The following ABI3BP variants were observed in gnomAD, a reference collection of about 807,000 sequenced individuals.
The protein encoded by ABI3BP is ABI family member 3 binding protein.
In ABI3BP, 216 loss-of-function variants were observed where a neutral mutation model predicts 268.6. That is an observed-to-expected ratio of 0.80 (90% CI 0.72 to 0.90). The LOEUF (loss-of-function observed/expected upper bound fraction) is 0.90. ABI3BP is among the 40% of genes least tolerant of loss of function. ABI3BP has a pLI of 0.00. For synonymous variants in ABI3BP, 730 were observed against 730.0 expected (o/e 1.00, Z 0.00); for missense variants, 2,090 against 2,182.4 (o/e 0.96, Z 0.84).
chr3:100,808,115 C>G (rs1426688752), intron 50 of ABI3BP, 46 bp downstream of exon 50: 2 of 1,538,482 alleles, frequency 1.3e-6, no homozygotes, highest in Non-Finnish European at 1.8e-6. Context: ...AGAATAACCC[C>G]ACTAACCTCA....
chr3:100,876,293 T>C (rs1469213964), intron 7 of ABI3BP, among the ~76,000 whole-genome samples: 3 of 152,176 alleles, frequency 2.0e-5, no homozygotes, highest in African/African-American at 7.2e-5. Flanking sequence ...TTGTCCTTAG[T>C]TGTCTGACCA....
intron 19 of ABI3BP, 30 bp from the exon 20 acceptor site, chr3:100,846,476 C>G: frequency 6.7e-7 from 1 of 1,502,974 alleles, no homozygotes; most frequent in Non-Finnish European, 9.1e-7. Flanking sequence ...AAATAATAAA[C>G]AAATCAATAT....
chr3:100,983,943 C>T (rs1359685115), intron 1 of ABI3BP, among the ~76,000 whole-genome samples: 3 of 151,916 alleles, frequency 2.0e-5, no homozygotes, highest in Non-Finnish European at 2.9e-5. Context: ...AATCCTGGAG[C>T]AAAGCAGCAT....
rs1387154627 is a variant in ABI3BP at position 100,838,215 on chromosome 3, T to A, written c.2078A>T (p.Lys693Ile). 3 of 1,535,800 alleles carry A rather than the reference T, an allele frequency of 2.0e-6. No individual in the cohort carries two copies. In the Admixed American group the frequency reaches 5.9e-5, roughly 30 times the overall value. ...GCACTGGAAATTATGTTTACCGGAT[T>A]TAGTTGGTGGCATGTCTGGTTCTGC... is the stretch of plus-strand genomic sequence containing the variant. Reference protein sequence around the residue: ...TTAEPDMPPTKSVSEPVPFET... With the variant: ...TTAEPDMPPTISVSEPVPFET... Residue 693 changes from lysine (K) to isoleucine (I), a missense_variant, in exon 26 of 68, where the codon AAA (lysine) becomes ATA (isoleucine). Coordinates refer to ENST00000471714, the MANE Select transcript of ABI3BP (RefSeq NM_001375547.2).
intron 51 of ABI3BP, among the ~76,000 whole-genome samples, chr3:100,800,135 CT>C (rs1159527057): frequency 1.3e-5 from 2 of 152,072 alleles, no homozygotes; most frequent in Non-Finnish European, 2.9e-5. Context: ...AGTTTCCTTT[CT>C]ACCACAATTA....
At chr3:100,982,163 G>A (rs562994618) in intron 1 of ABI3BP, among the ~76,000 whole-genome samples, 1 of 121,164 alleles carries the variant, frequency 8.3e-6, no homozygotes, top group Admixed American at 8.9e-5. Context: ...TCACTATCAC[G>A]AGAACAGCGT....
intron 2 of ABI3BP, chr3:100,911,217 C>A: frequency 5.3e-6 from 2 of 376,980 alleles, no homozygotes; most frequent in South Asian, 6.9e-5. Flanking sequence ...TGTGTTCTAC[C>A]ATTAAGGTCA....
chr3:100,845,266 T>C (rs1252282538), intron 20 of ABI3BP, among the ~76,000 whole-genome samples: 5 of 152,192 alleles, frequency 3.3e-5, no homozygotes, highest in Non-Finnish European at 5.9e-5. Flanking sequence ...TTAAGGCTTT[T>C]GAGTTTTATT....
chr3:100,910,308 A>T (rs530002734), intron 2 of ABI3BP, among the ~76,000 whole-genome samples: 1 of 152,150 alleles, frequency 6.6e-6, no homozygotes, highest in Non-Finnish European at 1.5e-5. Flanking sequence ...TACCTAATGT[A>T]GATGATGGGT....
At position 100,749,823 on chromosome 3, in the gene ABI3BP, A is replaced by G. The variant is rs984295864; in HGVS notation, c.*672T>C. The G allele has an allele frequency of 2.5e-6, 1 of 397,420 alleles. No homozygotes were observed. Among genetic ancestry groups the G allele is most frequent in the Non-Finnish European group, 4.4e-6 (1 of 225,376 alleles). The allele number at this position is 397,420 out of a possible 1,614,324, so 24.6% of individuals were successfully genotyped here. A position where few individuals can be genotyped will look rare whatever the true frequency, so the allele number is the denominator to read the frequency against. On this transcript the variant is annotated 3_prime_UTR_variant, in exon 68 of 68. Coordinates refer to ENST00000471714, the MANE Select transcript of ABI3BP (RefSeq NM_001375547.2). ...TGGGTAAAAATGTATCTTTTGAAAC[A>G]ATATATTAGACTCCATTTTTAGCTG...
chr3:100,974,550 T>C (rs1392394257), intron 1 of ABI3BP, among the ~76,000 whole-genome samples: 1 of 151,974 alleles, frequency 6.6e-6, no homozygotes, highest in Non-Finnish European at 1.5e-5. Flanking sequence ...AAGGCAAAAC[T>C]ATAGGGAGAG....
At chr3:100,802,208 G>C (rs2097553364) in intron 51 of ABI3BP, among the ~76,000 whole-genome samples, 1 of 152,270 alleles carries the variant, frequency 6.6e-6, no homozygotes, top group Non-Finnish European at 1.5e-5. Context: ...CTACACATAA[G>C]AATTTTCCAA....
chr3:100,874,261 A>C (rs2099138869), intron 9 of ABI3BP, among the ~76,000 whole-genome samples: 1 of 152,168 alleles, frequency 6.6e-6, no homozygotes, highest in South Asian at 2.1e-4. Context: ...ATCAAGCTTG[A>C]GATTCTCTGC....
intron 64 of ABI3BP, 133 bp downstream of exon 64, chr3:100,754,479 T>C: frequency 1.2e-6 from 1 of 867,190 alleles, no homozygotes; most frequent in Non-Finnish European, 1.8e-6. Context: ...CAGTTTGCTT[T>C]TTCCCACAAA....
At chr3:100,934,310 A>G (rs1465297507) in intron 1 of ABI3BP, among the ~76,000 whole-genome samples, 1 of 151,980 alleles carries the variant, frequency 6.6e-6, no homozygotes, top group Non-Finnish European at 1.5e-5. Flanking sequence ...AAGGACATGA[A>G]CTCATCCTTT....
At chr3:100,977,983 TA>T (rs993192240) in intron 1 of ABI3BP, among the ~76,000 whole-genome samples, 23 of 152,256 alleles carry the variant, frequency 1.5e-4, no homozygotes, top group African/African-American at 3.4e-4. Flanking sequence ...TCTTGCTTGG[TA>T]AAAGGCATCT....
rs1408844193 is a variant in ABI3BP at position 100,876,544 on chromosome 3, C to T, written c.713G>A (p.Arg238Lys). 1.2e-6 allele frequency: 2 copies of T among 1,613,434 alleles called. No individual in the cohort carries two copies. The highest frequency in any genetic ancestry group is 8.5e-7 in the Non-Finnish European group (1 of 1,179,644). Residue 238 changes from arginine (R) to lysine (K), a missense_variant, in exon 7 of 68, where the codon AGG (arginine) becomes AAG (lysine). Transcript: ENST00000471714. ...QDHTVPAYVP[R>K]KLIPITIIKQ... ...GATGATTGTTATTGGGATTAGTTTC[C>T]TTGGGACATATGCTGGCTGCAAAGA...
At chr3:100,848,940 G>T in intron 17 of ABI3BP, 65 bp from the exon 18 acceptor site, 1 of 1,427,322 alleles carries the variant, frequency 7.0e-7, no homozygotes, top group South Asian at 1.2e-5. Flanking sequence ...GGTTGTGCCT[G>T]TAAATTTGCA....
At chr3:100,979,780 G>T (rs935816600) in intron 1 of ABI3BP, among the ~76,000 whole-genome samples, 1 of 152,104 alleles carries the variant, frequency 6.6e-6, no homozygotes. Context: ...ATTATATAAC[G>T]CAATTCAGCT....
Sources: allele counts gnomAD v4.1 joint callset (sites outside exome capture counted in the v4.1 genomes callset), GRCh38; gene constraint gnomAD v4.1.1; transcripts MANE v1.5; gene names NCBI Gene and HGNC (gene_info 2026-07-23, HGNC 2026-07-21).